SPTAN1: variants seen among roughly 807,000 people sequenced by gnomAD.
The protein encoded by SPTAN1 is spectrin alpha chain, non-erythrocytic 1.
In SPTAN1, 61 loss-of-function variants were observed where a neutral mutation model predicts 331.3. The ratio of observed to expected loss-of-function variants is 0.18; its 90% confidence interval spans 0.15 to 0.23. The LOEUF (loss-of-function observed/expected upper bound fraction) is 0.23. Ranked by LOEUF, SPTAN1 falls within the 10% of genes least tolerant of loss-of-function variation. The pLI is 1.00. For missense variants in SPTAN1, 2,043 were observed against 3,147.9 expected (o/e 0.65, Z 8.40); for synonymous variants, 1,153 against 1,173.9 (o/e 0.98, Z 0.36).
chr9:128,574,647 G>C (rs373503519), intron 3 of SPTAN1, 28 bp from the exon 4 acceptor site: 1 of 1,613,902 alleles, frequency 6.2e-7, no homozygotes, highest in African/African-American at 1.3e-5. Context: ...GTTGTGATCT[G>C]ATTAAAACTC....
intron 2 of SPTAN1, among the ~76,000 whole-genome samples, 181 bp downstream of exon 2, chr9:128,567,158 TATTA>T (rs1564194945): frequency 6.6e-6 from 1 of 152,188 alleles, no homozygotes; most frequent in African/African-American, 2.4e-5. Context: ...ATCTTAGAGG[TATTA>T]ATTGTCTTTT....
chr9:128,565,465 C>T (rs1319607162), intron 1 of SPTAN1, among the ~76,000 whole-genome samples: 3 of 151,990 alleles, frequency 2.0e-5, no homozygotes, highest in Non-Finnish European at 2.9e-5. Context: ...TGACTAAAAT[C>T]AGCTCATCTA....
chr9:128,604,089 G>A (rs887645584), intron 28 of SPTAN1, among the ~76,000 whole-genome samples: 34 of 152,248 alleles, frequency 2.2e-4, no homozygotes, highest in Non-Finnish European at 4.1e-4. Flanking sequence ...CTCTCCTGCT[G>A]CCTCAGAGAG....
In SPTAN1 at chr9:128,582,709, A is replaced by G. The variant is rs1852096455; in HGVS notation, c.1666A>G (p.Asn556Asp). Residue 556 changes from asparagine to aspartate, a missense_variant, in exon 14 of 57, where the codon AAT becomes GAT. Asn to Asp is a conservative substitution (Grantham distance 23). This residue lies in a region of SPTAN1 where 1,038 missense variants were observed against 1,531.5 expected (regional missense o/e 0.68). Transcript: ENST00000372739. ...TGTCTTTCAGCTGTTGAGCCGCCGCAATGCCCTTCACGAGAGAGCCATGCG... is the reference window on the plus strand; with the variant it reads ...TGTCTTTCAGCTGTTGAGCCGCCGCGATGCCCTTCACGAGAGAGCCATGCG... ...TRRDALLSRRNALHERAMRRR... is the reference protein window; with the variant it reads ...TRRDALLSRRDALHERAMRRR... 5 of 1,613,708 alleles carry G rather than the reference A, an allele frequency of 3.1e-6. No individual in the cohort carries two copies. Among genetic ancestry groups the G allele is most frequent in the Non-Finnish European group, 4.2e-6 (5 of 1,180,024 alleles).
At chr9:128,621,061 C>G in intron 44 of SPTAN1, 97 bp from the exon 45 acceptor site, 1 of 941,414 alleles carries the variant, frequency 1.1e-6, no homozygotes, top group African/African-American at 1.6e-5. Context: ...TGTGCATGGA[C>G]AGGGACCATA....
intron 51 of SPTAN1, 197 bp downstream of exon 51, chr9:128,628,139 G>A (rs753713783): frequency 1.1e-5 from 9 of 782,660 alleles, no homozygotes; most frequent in South Asian, 4.1e-5. Context: ...GTCCCCGATA[G>A]AGCCTTCAAG....
intron 19 of SPTAN1, 55 bp downstream of exon 19, chr9:128,586,020 C>A: frequency 1.3e-6 from 2 of 1,536,224 alleles, no homozygotes; most frequent in East Asian, 2.3e-5. Flanking sequence ...AGGGCTTGTA[C>A]TGAGAAGGAA....
At chr9:128,562,978 A>G (rs1281180165) in intron 1 of SPTAN1, among the ~76,000 whole-genome samples, 1 of 27,644 alleles carries the variant, frequency 3.6e-5, no homozygotes, top group Non-Finnish European at 5.4e-5. Context: ...AAAAATATAT[A>G]TATACATGTA....
intron 24 of SPTAN1, chr9:128,596,686 T>A (rs1854337458): frequency 6.6e-6 from 1 of 152,248 alleles, no homozygotes; most frequent in Non-Finnish European, 1.5e-5. Context: ...ATTAAAATTT[T>A]ATCTCGTTTT....
At chr9:128,602,121 G>A (rs934864466) in intron 27 of SPTAN1, among the ~76,000 whole-genome samples, 1 of 151,464 alleles carries the variant, frequency 6.6e-6, no homozygotes, top group African/African-American at 2.4e-5. Context: ...ATAAACACAC[G>A]GGTTGAAAAT....
intron 24 of SPTAN1, among the ~76,000 whole-genome samples, chr9:128,597,551 A>T (rs1272552488): frequency 1.3e-5 from 2 of 152,220 alleles, no homozygotes; most frequent in Non-Finnish European, 1.5e-5. Flanking sequence ...CAGTTAATGA[A>T]GTAAATTTGA....
chr9:128,573,946 G>T (rs534112706), intron 3 of SPTAN1, among the ~76,000 whole-genome samples: 1 of 151,910 alleles, frequency 6.6e-6, no homozygotes, highest in Admixed American at 6.6e-5. Context: ...GTAGAGATGG[G>T]GTTTCACCAT....
chr9:128,605,703 CA>C (rs1855744880), intron 31 of SPTAN1, among the ~76,000 whole-genome samples: 1 of 151,980 alleles, frequency 6.6e-6, no homozygotes, highest in South Asian at 2.1e-4. Flanking sequence ...ATTTAAAAAT[CA>C]AAAACGGCCA....
chr9:128,594,887 G>T (rs1854053231), intron 24 of SPTAN1, among the ~76,000 whole-genome samples: 1 of 138,968 alleles, frequency 7.2e-6, no homozygotes, highest in East Asian at 2.2e-4. Flanking sequence ...GGAGTGCAAT[G>T]GTGCGATCTC....
chr9:128,566,649 T>G, intron 1 of SPTAN1, 89 bp from the exon 2 acceptor site: 1 of 1,582,388 alleles, frequency 6.3e-7, no homozygotes, highest in Non-Finnish European at 8.7e-7. Context: ...GTTTATCTGA[T>G]AATTATTTCT....
intron 5 of SPTAN1, among the ~76,000 whole-genome samples, chr9:128,576,336 A>C (rs907552142): frequency 5.9e-5 from 9 of 152,086 alleles, no homozygotes; most frequent in African/African-American, 2.2e-4. Flanking sequence ...ATCACTTGAG[A>C]CCAGCCTGGG....
At chr9:128,598,535 G>C in intron 25 of SPTAN1, 31 bp downstream of exon 25, 6 of 1,507,150 alleles carry the variant, frequency 4.0e-6, no homozygotes, top group Non-Finnish European at 5.5e-6. Flanking sequence ...GTGAGGCTCT[G>C]TTGCTGTAAG....
chr9:128,620,292 G>A (rs1439214059), intron 44 of SPTAN1, among the ~76,000 whole-genome samples: 1 of 152,202 alleles, frequency 6.6e-6, no homozygotes, highest in Non-Finnish European at 1.5e-5. Context: ...CTCACCATGG[G>A]AAGCATCCTC....
chr9:128,585,248 T>G (rs771165521), intron 18 of SPTAN1, among the ~76,000 whole-genome samples: 1 of 152,042 alleles, frequency 6.6e-6, no homozygotes, highest in Non-Finnish European at 1.5e-5. Context: ...AGGCTGGTCT[T>G]GAACTCCTGA....
Sources: allele counts gnomAD v4.1 joint callset (sites outside exome capture counted in the v4.1 genomes callset), GRCh38; gene constraint gnomAD v4.1.1; regional missense constraint gnomAD v4.1.1; transcripts MANE v1.5; gene names NCBI Gene and HGNC (gene_info 2026-07-23, HGNC 2026-07-21).